The following TRAPPC9 variants were observed in gnomAD, a reference collection of about 807,000 sequenced individuals.
The protein encoded by TRAPPC9 is IKK2 binding protein.
TRAPPC9 carries 83 observed loss-of-function variants against 124.0 expected under a neutral mutation model. The observed-to-expected ratio is 0.67, with a 90% CI of 0.56 to 0.80. The LOEUF (loss-of-function observed/expected upper bound fraction) is 0.80. TRAPPC9 is among the 30% of genes least tolerant of loss of function. TRAPPC9 has a pLI of 0.00. For missense variants in TRAPPC9, 1,302 were observed against 1,508.3 expected (o/e 0.86, Z 2.27); for synonymous variants, 638 against 617.5 (o/e 1.03, Z -0.49).
At chr8:139,955,318 C>T (rs1229018236) in intron 19 of TRAPPC9, among the ~76,000 whole-genome samples, 1 of 152,080 alleles carries the variant, frequency 6.6e-6, no homozygotes, top group South Asian at 2.1e-4. Context: ...GTTCAGGAGC[C>T]TGATCATCTC....
At chr8:140,172,011 A>G (rs1315237906) in intron 17 of TRAPPC9, among the ~76,000 whole-genome samples, 1 of 152,192 alleles carries the variant, frequency 6.6e-6, no homozygotes, top group Non-Finnish European at 1.5e-5. Context: ...CCAGGCTCGG[A>G]GAAAGGCTGA....
chr8:140,400,470 AGTT>A (rs1373316048), intron 6 of TRAPPC9, among the ~76,000 whole-genome samples: 6 of 152,280 alleles, frequency 3.9e-5, no homozygotes, highest in South Asian at 2.1e-4. Flanking sequence ...GCTGTAATGC[AGTT>A]GTTGTAAATT....
intron 7 of TRAPPC9, among the ~76,000 whole-genome samples, chr8:140,397,205 T>G (rs958525700): frequency 2.6e-5 from 4 of 152,210 alleles, no homozygotes. Context: ...AAGTATTATT[T>G]GCTGGGTTAC....
intron 17 of TRAPPC9, among the ~76,000 whole-genome samples, chr8:140,071,880 A>C (rs1843175226): frequency 6.6e-6 from 1 of 152,230 alleles, no homozygotes; most frequent in Non-Finnish European, 1.5e-5. Flanking sequence ...ACCATAGCCC[A>C]GCGGGGTTGA....
chr8:140,139,456 A>G (rs2061351056), intron 17 of TRAPPC9, among the ~76,000 whole-genome samples: 1 of 152,228 alleles, frequency 6.6e-6, no homozygotes, highest in South Asian at 2.1e-4. Context: ...CGATGTGAAT[A>G]CGTGCACCAA....
At chr8:139,939,429 A>T (rs1425285005) in intron 19 of TRAPPC9, among the ~76,000 whole-genome samples, 1 of 152,128 alleles carries the variant, frequency 6.6e-6, no homozygotes, top group African/African-American at 2.4e-5. Context: ...CTCCAGAAGG[A>T]GGTGGTCCAG....
At position 140,353,328 on chromosome 8, in the gene TRAPPC9, C is replaced by T. The variant is rs1195224271; in HGVS notation, c.1495+6722G>A. 1.3e-5 allele frequency among the ~76,000 whole-genome samples: 2 copies of T among 152,034 alleles called. No individual in the cohort carries two copies. The highest frequency in any genetic ancestry group is 4.2e-4 in the South Asian group (2 of 4,812). On this transcript the variant is annotated intron_variant, in intron 9 of 22. Coordinates refer to ENST00000438773, the MANE Select transcript of TRAPPC9 (RefSeq NM_001160372.4). The surrounding 1 kb of genome is among the most constrained non-coding windows in gnomAD (Gnocchi z 4.2). ...CCCATCTCATGGGACCCCCCCCTTT[C>T]GTCACTCCTCAGTCTTTTCACAGTA...
At chr8:139,944,398 A>G (rs1467881612) in intron 19 of TRAPPC9, among the ~76,000 whole-genome samples, 1 of 152,230 alleles carries the variant, frequency 6.6e-6, no homozygotes, top group Non-Finnish European at 1.5e-5. Flanking sequence ...TGTGTGATTT[A>G]TAATGTACAT....
chr8:139,984,094 T>A lies in TRAPPC9; in HGVS notation c.2810+4632A>T, dbSNP rs1022664757. Among the ~76,000 whole-genome samples the A allele has an allele frequency of 1.3e-5, 2 of 152,136 alleles. No individual in the cohort carries two copies. Among genetic ancestry groups the A allele is most frequent in the African/African-American group, 4.8e-5 (2 of 41,418 alleles). The stretch of plus-strand genomic sequence containing the variant: ...TGGGTGAGATGAGATCACCCCTTCC[T>A]ACTAGGAGGGAGGAGAGGCGGCAGG... On this transcript the variant is annotated intron_variant, in intron 19 of 22. Coordinates refer to ENST00000438773, the MANE Select transcript of TRAPPC9 (RefSeq NM_001160372.4). This position sits in a 1 kb window ranked among gnomAD's most constrained non-coding sequence, Gnocchi z 4.3.
intron 19 of TRAPPC9, among the ~76,000 whole-genome samples, chr8:139,985,048 G>A (rs1462937576): frequency 6.6e-6 from 1 of 152,120 alleles, no homozygotes; most frequent in Non-Finnish European, 1.5e-5. Context: ...TTACCACACA[G>A]CAAATTGCTG....
intron 12 of TRAPPC9, among the ~76,000 whole-genome samples, chr8:140,289,170 ATATAGTGT>A (rs1563919807): frequency 1.5e-5 from 2 of 136,382 alleles, no homozygotes; most frequent in African/African-American, 5.7e-5. Context: ...TTAGATATAT[ATATAGTGT>A]GTGTGTGTGT....
chr8:139,817,572 G>A (rs140612497), intron 21 of TRAPPC9, among the ~76,000 whole-genome samples: 120 of 152,340 alleles, frequency 7.9e-4, no homozygotes, highest in African/African-American at 2.6e-3. Context: ...CTGGCTTCTC[G>A]TTCATTAACC....
intron 16 of TRAPPC9, among the ~76,000 whole-genome samples, chr8:140,222,019 C>T (rs1234161999): frequency 6.6e-6 from 1 of 152,176 alleles, no homozygotes; most frequent in Non-Finnish European, 1.5e-5. Flanking sequence ...GCTGAGAGTG[C>T]ATCAGTCCTT....
intron 15 of TRAPPC9, among the ~76,000 whole-genome samples, chr8:140,264,330 A>G (rs4074946): frequency 0.77 from 116,808 of 152,004 alleles, 45,147 homozygotes; most frequent in African/African-American, 0.86. Flanking sequence ...TGCCTTTCCC[A>G]GGTGCTCCCC....
chr8:140,135,714 G>A (rs1298796922), intron 17 of TRAPPC9, among the ~76,000 whole-genome samples: 1 of 152,242 alleles, frequency 6.6e-6, no homozygotes, highest in Non-Finnish European at 1.5e-5. Flanking sequence ...GTGGTGGCAA[G>A]AGTTGCATAA....
rs144213427 is a variant in TRAPPC9, at chr8:140,454,690, A to G, written c.-11+2949T>C. Reference sequence around the variant, plus strand: ...ACCTGACCTCACACCTGTGATCTCAACACTTTGGGAGGCCAAGTCGAGTGG... The same window carrying G: ...ACCTGACCTCACACCTGTGATCTCAGCACTTTGGGAGGCCAAGTCGAGTGG... On this transcript the variant is annotated intron_variant, in intron 1 of 22. Transcript: ENST00000438773. Among the ~76,000 whole-genome samples, 74 of 149,452 alleles carry G rather than the reference A, an allele frequency of 5.0e-4. No homozygotes were observed. The East Asian group carries it at 0.014, about 28-fold the overall frequency.
chr8:139,947,305 G>A (rs1238665986), intron 19 of TRAPPC9, among the ~76,000 whole-genome samples: 1 of 152,088 alleles, frequency 6.6e-6, no homozygotes, highest in East Asian at 1.9e-4. Flanking sequence ...CTCCATCAAC[G>A]CCACCAAATA....
intron 21 of TRAPPC9, among the ~76,000 whole-genome samples, chr8:139,755,529 C>A (rs1479419623): frequency 7.2e-6 from 1 of 138,650 alleles, no homozygotes; most frequent in Non-Finnish European, 1.6e-5. Flanking sequence ...CAGGAGGAGC[C>A]AGGGTTTGGG....
chr8:140,266,716 C>T (rs1306185462), intron 15 of TRAPPC9, among the ~76,000 whole-genome samples: 1 of 151,502 alleles, frequency 6.6e-6, no homozygotes, highest in Non-Finnish European at 1.5e-5. Context: ...AAACATTAGC[C>T]GGGCGTGGTG....
Sources: gnomAD v4.1 joint callset for allele counts (sites outside exome capture counted in the v4.1 genomes callset) on GRCh38, gnomAD v4.1.1 for gene constraint, Gnocchi (gnomAD v3.1) non-coding constraint, MANE v1.5 for transcripts, NCBI Gene and HGNC (gene_info 2026-07-23, HGNC 2026-07-21) for gene names.